Variants in JAZF1 observed in about 807,000 individuals in gnomAD.
The protein encoded by JAZF1 is juxtaposed with another zinc finger protein 1.
JAZF1 carries 8 observed loss-of-function variants against 26.4 expected under a neutral mutation model. The observed-to-expected ratio is 0.30, with a 90% CI of 0.18 to 0.55. The LOEUF is 0.55. JAZF1 is among the 20% of genes least tolerant of loss of function. The pLI, the probability that JAZF1 is intolerant of heterozygous loss-of-function variation, is 0.94. For synonymous variants in JAZF1, 126 were observed against 122.3 expected (o/e 1.03, Z -0.20); for missense variants, 199 against 322.0 (o/e 0.62, Z 2.92).
intron 1 of JAZF1, among the ~76,000 whole-genome samples, chr7:28,109,786 C>T (rs760438914): frequency 2.6e-4 from 39 of 152,178 alleles, no homozygotes; most frequent in South Asian, 2.1e-4. Context: ...TGAGAGACTG[C>T]GGGGATGGAG....
chr7:27,906,086 T>A (rs1206658652), intron 2 of JAZF1, among the ~76,000 whole-genome samples: 2 of 152,168 alleles, frequency 1.3e-5, no homozygotes, highest in Non-Finnish European at 2.9e-5. Flanking sequence ...CAAACAGAAC[T>A]CTTAAATTTA....
At chr7:27,846,528 T>C (rs1450360429) in intron 3 of JAZF1, 1 of 471,096 alleles carries the variant, frequency 2.1e-6, no homozygotes, top group African/African-American at 2.0e-5. Context: ...GACATCTTCC[T>C]GGGGTGATGA....
At chr7:27,951,888 A>G (rs1014647395) in intron 2 of JAZF1, among the ~76,000 whole-genome samples, 6 of 152,192 alleles carry the variant, frequency 3.9e-5, no homozygotes, top group Non-Finnish European at 8.8e-5. Flanking sequence ...CCTTCCTCAG[A>G]TTGAATTACT....
intron 1 of JAZF1, among the ~76,000 whole-genome samples, chr7:28,122,908 G>C (rs927347997): frequency 6.6e-6 from 1 of 152,080 alleles, no homozygotes; most frequent in Admixed American, 6.6e-5. Context: ...TTTCAGCCTC[G>C]ATGAAATTCT....
At chr7:28,034,820 C>A (rs774611848) in intron 1 of JAZF1, among the ~76,000 whole-genome samples, 13 of 152,158 alleles carry the variant, frequency 8.5e-5, no homozygotes, top group Non-Finnish European at 1.2e-4. Flanking sequence ...AAAGACAAAT[C>A]CTGCTTCCCT....
At chr7:27,927,536 C>T (rs547096467) in intron 2 of JAZF1, among the ~76,000 whole-genome samples, 1 of 152,112 alleles carries the variant, frequency 6.6e-6, no homozygotes, top group South Asian at 2.1e-4. Flanking sequence ...CTATAAAGTA[C>T]TTATAGTTGT....
At chr7:27,887,136 T>A (rs1222191004) in intron 3 of JAZF1, among the ~76,000 whole-genome samples, 2 of 151,394 alleles carry the variant, frequency 1.3e-5, no homozygotes, top group African/African-American at 4.9e-5. Flanking sequence ...GGGTAAAGGG[T>A]GGGAGGAGGG....
chr7:27,884,454 T>C (rs1472125957), intron 3 of JAZF1, among the ~76,000 whole-genome samples: 1 of 152,210 alleles, frequency 6.6e-6, no homozygotes, highest in Non-Finnish European at 1.5e-5. Flanking sequence ...GCTTGATAAA[T>C]GTATACATTT....
chr7:27,965,522 G>A (rs1420357327), intron 2 of JAZF1, among the ~76,000 whole-genome samples: 1 of 152,174 alleles, frequency 6.6e-6, no homozygotes, highest in Non-Finnish European at 1.5e-5. Flanking sequence ...ACTGCATGAA[G>A]AAGACTGGCA....
At chr7:27,976,140 C>T (rs1453627449) in intron 2 of JAZF1, among the ~76,000 whole-genome samples, 2 of 152,098 alleles carry the variant, frequency 1.3e-5, no homozygotes, top group Non-Finnish European at 2.9e-5. Flanking sequence ...GTCAAGAGAT[C>T]GAGACCATCC....
intron 1 of JAZF1, among the ~76,000 whole-genome samples, chr7:28,068,309 T>C (rs960303331): frequency 2.6e-5 from 4 of 151,956 alleles, no homozygotes; most frequent in Non-Finnish European, 5.9e-5. Flanking sequence ...AAGATGATTA[T>C]TATCTCTAAA....
chr7:27,959,981 T>A (rs943012109), intron 2 of JAZF1, among the ~76,000 whole-genome samples: 7 of 152,016 alleles, frequency 4.6e-5, no homozygotes, highest in Admixed American at 1.3e-4. Flanking sequence ...CTTTCACAGA[T>A]GATAAGGACA....
rs986450536 is a variant in JAZF1, at chr7:27,831,717, A to G, written c.*1083T>C. 1.8e-5 allele frequency: 4 copies of G among 225,690 alleles called. 1 individual carries two copies. The Middle Eastern group carries it at 4.0e-3, about 225-fold the overall frequency. The allele number at this position is 225,690 out of a possible 1,614,324, so 14.0% of individuals were successfully genotyped here. ...AAGTACCTTTTAAAAAAAGTAAAAA[A>G]TGAGCATGAAGAAGAGGCAATAGGG... On this transcript the variant is annotated 3_prime_UTR_variant, in exon 5 of 5. Coordinates refer to ENST00000283928, the MANE Select transcript of JAZF1 (RefSeq NM_175061.4).
chr7:27,883,204 G>C (rs990019368), intron 3 of JAZF1, among the ~76,000 whole-genome samples: 1 of 152,188 alleles, frequency 6.6e-6, no homozygotes, highest in Non-Finnish European at 1.5e-5. Flanking sequence ...ACTTTACCTT[G>C]TGATCTTTTT....
intron 1 of JAZF1, among the ~76,000 whole-genome samples, chr7:28,086,149 C>A (rs1000987988): frequency 3.3e-5 from 5 of 152,200 alleles, no homozygotes; most frequent in African/African-American, 1.2e-4. Flanking sequence ...TGTCAGCACT[C>A]TGTCTTTATG....
At chr7:27,906,048 G>A (rs374940843) in intron 2 of JAZF1, among the ~76,000 whole-genome samples, 34 of 152,046 alleles carry the variant, frequency 2.2e-4, no homozygotes, top group Non-Finnish European at 3.7e-4. Context: ...TTATCATTGC[G>A]AAAAATTCAG....
At chr7:28,137,762 C>G (rs1782907555) in intron 1 of JAZF1, among the ~76,000 whole-genome samples, 1 of 152,186 alleles carries the variant, frequency 6.6e-6, no homozygotes, top group African/African-American at 2.4e-5. Context: ...TCCTTTGACA[C>G]CATCTGGCAA....
At chr7:27,959,380 C>T (rs889013367) in intron 2 of JAZF1, among the ~76,000 whole-genome samples, 1 of 152,212 alleles carries the variant, frequency 6.6e-6, no homozygotes, top group Non-Finnish European at 1.5e-5. Flanking sequence ...TCTCTGATTA[C>T]TTTAACCCTA....
rs549392674 is a variant in JAZF1, at chr7:27,984,904, A to G, written c.188+7005T>C. Among the ~76,000 whole-genome samples the G allele has an allele frequency of 2.6e-5, 4 of 152,340 alleles. No homozygotes were observed. The South Asian group carries it at 8.3e-4, about 32-fold the overall frequency. On this transcript the variant is annotated intron_variant, in intron 2 of 4. Transcript: ENST00000283928. ...GAAATAAAGATGTTCTTTGAAACCA[A>G]TGAGAACAAAGACACAACATACCAG...
Sources: allele counts gnomAD v4.1 joint callset (sites outside exome capture counted in the v4.1 genomes callset), GRCh38; gene constraint gnomAD v4.1.1; transcripts MANE v1.5; gene names NCBI Gene and HGNC (gene_info 2026-07-23, HGNC 2026-07-21).